CAAP1: variants seen among roughly 807,000 people sequenced by gnomAD.
CAAP1 encodes the protein conserved anti-apoptotic protein.
A neutral mutation model predicts 34.0 loss-of-function variants in CAAP1; 20 were observed. The observed-to-expected ratio is 0.59, with a 90% confidence interval of 0.41 to 0.86. The LOEUF (loss-of-function observed/expected upper bound fraction) is 0.86, where lower values mean the gene tolerates loss of function less well. Ranked by LOEUF, CAAP1 falls within the 40% of genes least tolerant of loss-of-function variation. The probability of loss-of-function intolerance (pLI) is 0.00; values close to 1 mark genes in which losing one functional copy is unlikely to be tolerated. For synonymous variants in CAAP1, 213 were observed against 166.7 expected, an observed-to-expected ratio of 1.28 and a Z score of -2.14; for missense variants, 538 against 450.5, an observed-to-expected ratio of 1.19 and a Z score of -1.76.
intron 4 of CAAP1, among the ~76,000 whole-genome samples, chr9:26,863,071 TTAA>T (rs1357976263): frequency 3.3e-5 from 5 of 152,172 alleles, no homozygotes; most frequent in Non-Finnish European, 5.9e-5. Context: ...TCCAAATGTT[TTAA>T]TAATAATGCA....
intron 4 of CAAP1, among the ~76,000 whole-genome samples, chr9:26,868,312 G>A (rs1370402841): frequency 2.0e-5 from 3 of 152,182 alleles, no homozygotes; most frequent in African/African-American, 7.2e-5. Flanking sequence ...ATTTTATAAG[G>A]ATGTAAGAGA....
chr9:26,852,617 T>C (rs1042269169), intron 5 of CAAP1, among the ~76,000 whole-genome samples: 2 of 152,144 alleles, frequency 1.3e-5, no homozygotes, highest in South Asian at 2.1e-4. Flanking sequence ...GATTTCAGAT[T>C]TGACATATTG....
rs1157268443 is a variant in CAAP1 at position 26,858,420 on chromosome 9, CATAA to C, written c.739+2642_739+2645del. The stretch of plus-strand genomic sequence containing the variant: ...TAATATTTATCTGGAAGATGTTTTC[CATAA>C]ATAAATATTCTAAGTAACTTATCCA... On this transcript the variant is annotated intron_variant, in intron 5 of 5. Transcript: ENST00000333916. 2.0e-5 allele frequency among the ~76,000 whole-genome samples: 3 copies of C among 152,172 alleles called. No individual in the cohort carries two copies. The East Asian group carries it at 5.8e-4, about 29-fold the overall frequency.
intron 4 of CAAP1, among the ~76,000 whole-genome samples, chr9:26,873,235 T>C (rs1215374331): frequency 6.6e-6 from 1 of 152,202 alleles, no homozygotes; most frequent in Non-Finnish European, 1.5e-5. Flanking sequence ...AGTGAGCAGC[T>C]GCCTCAAAAA....
intron 5 of CAAP1, among the ~76,000 whole-genome samples, chr9:26,843,171 C>T (rs1267244627): frequency 6.6e-6 from 1 of 152,074 alleles, no homozygotes; most frequent in Non-Finnish European, 1.5e-5. Context: ...CACTTTGTTC[C>T]AAATCAATAA....
chr9:26,888,430 T>C (rs1823808007), intron 1 of CAAP1, among the ~76,000 whole-genome samples: 1 of 152,204 alleles, frequency 6.6e-6, no homozygotes, highest in African/African-American at 2.4e-5. Context: ...TCACACTATA[T>C]TCACAAGATT....
chr9:26,861,372 G>T (rs1224836005), intron 4 of CAAP1, among the ~76,000 whole-genome samples: 1 of 152,056 alleles, frequency 6.6e-6, no homozygotes, highest in East Asian at 1.9e-4. Context: ...AAATCAAGGG[G>T]CAAACCTGAA....
chr9:26,886,295 ATAAAT>A (rs958583426), intron 2 of CAAP1, 107 bp from the exon 3 acceptor site: 1 of 468,170 alleles, frequency 2.1e-6, no homozygotes, highest in Non-Finnish European at 3.7e-6. Context: ...TTACAATAAA[ATAAAT>A]TAAAGCCTCA....
At chr9:26,886,434 G>C (rs1293877615) in intron 2 of CAAP1, among the ~76,000 whole-genome samples, 1 of 152,118 alleles carries the variant, frequency 6.6e-6, no homozygotes, top group Non-Finnish European at 1.5e-5. Context: ...AAACTAAAGA[G>C]TGAGTCAGTT....
intron 4 of CAAP1, among the ~76,000 whole-genome samples, chr9:26,873,977 G>A (rs1338319103): frequency 1.3e-5 from 2 of 152,010 alleles, no homozygotes. Context: ...GGAGGCCGAG[G>A]CGGGCAGATC....
intron 5 of CAAP1, among the ~76,000 whole-genome samples, chr9:26,854,981 T>C (rs1031216131): frequency 1.3e-5 from 2 of 152,200 alleles, no homozygotes; most frequent in Non-Finnish European, 2.9e-5. Context: ...AATTAAGCAA[T>C]TTCTTACAAA....
intron 4 of CAAP1, among the ~76,000 whole-genome samples, chr9:26,869,029 A>G (rs1005045919): frequency 1.3e-5 from 2 of 152,200 alleles, no homozygotes; most frequent in Non-Finnish European, 2.9e-5. Flanking sequence ...TAAAATTAAA[A>G]AATTAGATTT....
intron 5 of CAAP1, among the ~76,000 whole-genome samples, chr9:26,847,198 ATTTTTTTTTTTTTTTTTT>A (rs1171628621): frequency 2.6e-4 from 9 of 34,750 alleles, no homozygotes; most frequent in East Asian, 1.7e-3. Context: ...AAAAAGCAAT[ATTTTTTTTTTTTTTTTTT>A]TTTTTTTTTT....
At chr9:26,870,071 A>T (rs1429020398) in intron 4 of CAAP1, 2 of 391,652 alleles carry the variant, frequency 5.1e-6, no homozygotes, top group African/African-American at 4.6e-5. Flanking sequence ...ACGCAGATGC[A>T]GCTACAAAAA....
intron 5 of CAAP1, among the ~76,000 whole-genome samples, chr9:26,858,447 C>T (rs118122918): frequency 0.036 from 5,405 of 152,212 alleles, 161 homozygotes; most frequent in South Asian, 0.097. Context: ...AGTAACTTAT[C>T]CATTATGCAA....
At chr9:26,891,747 G>C (rs1823907554) in intron 1 of CAAP1, among the ~76,000 whole-genome samples, 1 of 152,196 alleles carries the variant, frequency 6.6e-6, no homozygotes, top group South Asian at 2.1e-4. Flanking sequence ...TATCTCACGA[G>C]GAGTGATTAA....
intron 5 of CAAP1, among the ~76,000 whole-genome samples, chr9:26,844,853 A>G (rs1055962536): frequency 1.3e-5 from 2 of 151,984 alleles, no homozygotes; most frequent in African/African-American, 4.8e-5. Flanking sequence ...AACTTTTTTT[A>G]TTCTTGAATT....
intron 2 of CAAP1, among the ~76,000 whole-genome samples, 179 bp from the exon 3 acceptor site, chr9:26,886,367 T>C (rs1563894453): frequency 1.3e-5 from 2 of 152,198 alleles, no homozygotes; most frequent in Admixed American, 6.5e-5. Flanking sequence ...CCAGTTAATA[T>C]GTGAACACTG....
At chr9:26,864,302 A>C (rs1823076964) in intron 4 of CAAP1, among the ~76,000 whole-genome samples, 1 of 152,082 alleles carries the variant, frequency 6.6e-6, no homozygotes, top group Non-Finnish European at 1.5e-5. Flanking sequence ...AGATCTGTGG[A>C]ACTTAATAAA....
Sources: allele counts gnomAD v4.1 joint callset (sites outside exome capture counted in the v4.1 genomes callset), GRCh38; gene constraint gnomAD v4.1.1; transcripts MANE v1.5; gene names NCBI Gene and HGNC (gene_info 2026-07-23, HGNC 2026-07-21).